Variants in SPATA22 observed in about 807,000 individuals in gnomAD.
SPATA22 encodes the protein spermatogenesis-associated protein 22.
In SPATA22, 29 loss-of-function variants were observed where a neutral mutation model predicts 47.8. The ratio of observed to expected loss-of-function variants is 0.61; its 90% CI spans 0.45 to 0.83. SPATA22 has a LOEUF of 0.83. SPATA22 is among the 40% of genes least tolerant of loss of function. The probability of loss-of-function intolerance (pLI) is 0.00; values close to 1 mark genes in which losing one functional copy is unlikely to be tolerated. For missense variants in SPATA22, 410 were observed against 421.7 expected (o/e 0.97, Z 0.24); for synonymous variants, 133 against 140.9 (o/e 0.94, Z 0.40).
Position 3,485,247 on chromosome 17 carries a change from C to T in SPATA22, c.-73-15849G>A, listed in dbSNP as rs556508669. 6.6e-6 allele frequency among the ~76,000 whole-genome samples: 1 copy of T among 152,200 alleles called. No individual in the cohort carries two copies. Among genetic ancestry groups the T allele is most frequent in the East Asian group, 1.9e-4 (1 of 5,174 alleles). ...TCAGGTCTCAAACTCCTGATTCAAG[C>T]GATCCTCCCACCTTGGCCTCCCAAA... On this transcript the variant is annotated intron_variant, in intron 1 of 8. Transcript: ENST00000541913. This position sits in a 1 kb window ranked among gnomAD's most constrained non-coding sequence, Gnocchi z 4.4.
intron 6 of SPATA22, among the ~76,000 whole-genome samples, chr17:3,447,682 C>T (rs1381052629): frequency 2.0e-5 from 3 of 152,104 alleles, no homozygotes; most frequent in Admixed American, 6.6e-5. Flanking sequence ...GTTACCATTC[C>T]TAGGCTGAAA....
chr17:3,457,040 G>A (rs1480652347), intron 5 of SPATA22, among the ~76,000 whole-genome samples: 1 of 152,094 alleles, frequency 6.6e-6, no homozygotes, highest in Non-Finnish European at 1.5e-5. Context: ...GTATTGATGG[G>A]ATGTATCTCA....
At position 3,499,140 on chromosome 17, in the gene SPATA22, T is replaced by C. The variant is rs374525029; in HGVS notation, c.-74+14272A>G. 5.1e-4 allele frequency: 799 copies of C among 1,569,920 alleles called. 11 individuals are homozygous for C. In the South Asian group the frequency reaches 8.8e-3, roughly 17 times the overall value. On this transcript the variant is annotated intron_variant, in intron 1 of 8. Coordinates refer to the SPATA22 transcript ENST00000541913. ...CGGTGTCTTACAAATTCTGCTAGTC[T>C]GTAAGCTCCTTAAGAGTAGGGTTGT...
At chr17:3,508,881 C>A in intron 1 of SPATA22, among the ~76,000 whole-genome samples, 2 of 127,384 alleles carry the variant, frequency 1.6e-5, no homozygotes. Context: ...ACACATGTAC[C>A]CTAAAGCTTA....
intron 3 of SPATA22, among the ~76,000 whole-genome samples, chr17:3,466,430 A>G (rs1488039948): frequency 6.6e-6 from 1 of 152,108 alleles, no homozygotes; most frequent in Non-Finnish European, 1.5e-5. Flanking sequence ...GGCCTAACCC[A>G]AACCTAAGCC....
exon 1 of SPATA22, chr17:3,513,651 G>A (rs930172731): frequency 1.9e-5 from 7 of 370,624 alleles, no homozygotes; most frequent in African/African-American, 1.2e-4. Context: ...GGGACTTCAG[G>A]AGGCTCCCAG....
chr17:3,491,031 C>T (rs943852171), intron 1 of SPATA22, among the ~76,000 whole-genome samples: 4 of 152,134 alleles, frequency 2.6e-5, no homozygotes, highest in African/African-American at 4.8e-5. Flanking sequence ...GAATCATAGC[C>T]GCCATGTGAA....
chr17:3,471,066 A>C (rs2073421772), intron 1 of SPATA22, among the ~76,000 whole-genome samples: 1 of 151,642 alleles, frequency 6.6e-6, no homozygotes, highest in Non-Finnish European at 1.5e-5. Context: ...GAGACAGGAG[A>C]ATCACTTGAA....
intron 1 of SPATA22, among the ~76,000 whole-genome samples, chr17:3,510,165 C>T (rs942416143): frequency 1.3e-4 from 20 of 152,264 alleles, no homozygotes; most frequent in African/African-American, 4.3e-4. Context: ...GGATAGAGCA[C>T]TCTTTGAGGG....
At chr17:3,493,359 G>A (rs990685610) in intron 1 of SPATA22, among the ~76,000 whole-genome samples, 15 of 152,024 alleles carry the variant, frequency 9.9e-5, no homozygotes, top group Middle Eastern at 3.4e-3. Context: ...TCAAGAAATC[G>A]AGACCATCCT....
At chr17:3,461,114 A>AG in intron 5 of SPATA22, among the ~76,000 whole-genome samples, 1 of 152,340 alleles carries the variant, frequency 6.6e-6, no homozygotes, top group East Asian at 1.9e-4. Context: ...CAGGATGGCC[A>AG]GTTAAATTTG....
rs2073339504 is a variant in SPATA22, at chr17:3,467,448, A to G, written c.150T>C (p.Tyr50=). The change falls in exon 3 of 9, where the codon TAT becomes TAC. Residue 50 remains tyrosine, a synonymous_variant. Coordinates refer to ENST00000572969, the MANE Select transcript of SPATA22 (RefSeq NM_001170698.2). ...TACCTGTAGGTAGAGGAGGAAAATC[A>G]TAATTGTCAGAAGGGGTACTGATAC... ...DSGISTPSDN[Y]DFPPLPTDWA... 1.2e-6 allele frequency: 2 copies of G among 1,601,744 alleles called. No individual in the cohort carries two copies. Among genetic ancestry groups the G allele is most frequent in the South Asian group, 1.1e-5 (1 of 87,144 alleles).
chr17:3,469,413 A>G lies in SPATA22; in HGVS notation c.-73-15T>C. ...TCCCACTAGACCTGCAAAGAAAGAA[A>G]CTTATAACTCGTATTGTCTCAACTA... is the stretch of plus-strand genomic sequence containing the variant. On this transcript the variant is annotated splice_polypyrimidine_tract_variant and intron_variant, in intron 1 of 8. Transcript: ENST00000572969. The G allele has an allele frequency of 1.0e-6, 1 of 988,872 alleles. No homozygotes were observed. The highest frequency in any genetic ancestry group is 1.5e-6 in the Non-Finnish European group (1 of 668,404). 61.3% of individuals were successfully genotyped at this position (988,872 alleles called of 1,614,324 possible).
At chr17:3,470,938 T>A (rs2150736589) in intron 1 of SPATA22, among the ~76,000 whole-genome samples, 1 of 151,936 alleles carries the variant, frequency 6.6e-6, no homozygotes, top group Middle Eastern at 3.4e-3. Context: ...GTGGGTCACC[T>A]GAGGTCGGGA....
Position 3,446,437 on chromosome 17 carries a change from G to A in SPATA22, c.802+35C>T, listed in dbSNP as rs899990142. 1.9e-6 allele frequency: 3 copies of A among 1,579,906 alleles called. No homozygotes were observed. In the African/African-American group the frequency reaches 4.1e-5, roughly 22 times the overall value. On this transcript the variant is annotated intron_variant, in intron 7 of 8. Transcript: ENST00000572969. ...GACATTAAAACCTGTCCTCCAGAGA[G>A]TATTACTGAAGTATTTTTAAAGTAT... is the stretch of plus-strand genomic sequence containing the variant.
At chr17:3,462,893 T>C in intron 3 of SPATA22, 126 bp from the exon 4 acceptor site, 1 of 710,260 alleles carries the variant, frequency 1.4e-6, no homozygotes, top group Non-Finnish European at 2.5e-6. Context: ...TATATGGATT[T>C]CTTCAACAGT....
chr17:3,481,955 A>C lies in SPATA22; in HGVS notation c.-73-12557T>G, dbSNP rs1488688. Among the ~76,000 whole-genome samples, 34,205 of 151,926 alleles carry C rather than the reference A, an allele frequency of 0.23. 4,203 individuals are homozygous for C. Among genetic ancestry groups the C allele is most frequent in the East Asian group, 0.46 (2,378 of 5,156 alleles). ...TTGGTGGTTGGGGGGAAAGGGTGCT[A>C]CCAGAACACAGAGGCAGTGGTGAGA... is the stretch of plus-strand genomic sequence containing the variant. On this transcript the variant is annotated intron_variant, in intron 1 of 8. Coordinates refer to the SPATA22 transcript ENST00000541913.
At chr17:3,496,685 C>T (rs1320645116) in intron 1 of SPATA22, among the ~76,000 whole-genome samples, 1 of 152,166 alleles carries the variant, frequency 6.6e-6, no homozygotes, top group African/African-American at 2.4e-5. Flanking sequence ...TAGGGGACCC[C>T]CTCCCAGTGC....
chr17:3,499,247 A>G (rs771525119), intron 1 of SPATA22: 5 of 603,302 alleles, frequency 8.3e-6, no homozygotes, highest in Non-Finnish European at 8.3e-6. Flanking sequence ...ATTAATTAAT[A>G]TATCTTTAAA....
Sources: gnomAD v4.1 joint callset for allele counts (sites outside exome capture counted in the v4.1 genomes callset) on GRCh38, gnomAD v4.1.1 for gene constraint, Gnocchi (gnomAD v3.1) non-coding constraint, MANE v1.5 for transcripts, NCBI Gene and HGNC (gene_info 2026-07-23, HGNC 2026-07-21) for gene names.